The following SYNE1 variants were observed in gnomAD, a reference collection of about 807,000 sequenced individuals.
The protein encoded by SYNE1 is nesprin-1.
A neutral mutation model predicts 1,111.0 loss-of-function variants in SYNE1; 616 were observed. The observed-to-expected ratio is 0.55, with a 90% confidence interval of 0.52 to 0.59. The LOEUF (loss-of-function observed/expected upper bound fraction) is 0.59. Ranked by LOEUF, SYNE1 falls within the 20% of genes least tolerant of loss-of-function variation. The pLI is 0.00. For synonymous variants in SYNE1, 3,855 were observed against 3,825.8 expected, an observed-to-expected ratio of 1.01 and a Z score of -0.28; for missense variants, 10,006 against 10,417.0, an observed-to-expected ratio of 0.96 and a Z score of 1.72.
chr6:152,593,957 C>A (rs2099573907), intron 3 of SYNE1, among the ~76,000 whole-genome samples: 1 of 152,252 alleles, frequency 6.6e-6, no homozygotes, highest in Admixed American at 6.5e-5. Context: ...GTGAGCAGAA[C>A]CCACCCACCT....
intron 128 of SYNE1, among the ~76,000 whole-genome samples, chr6:152,187,212 G>A (rs2070420127): frequency 6.6e-6 from 1 of 152,106 alleles, no homozygotes; most frequent in Non-Finnish European, 1.5e-5. Flanking sequence ...ATAGGAAACT[G>A]CTCACACATC....
chr6:152,453,307 T>C, intron 25 of SYNE1: 1 of 595,206 alleles, frequency 1.7e-6, no homozygotes, highest in Non-Finnish European at 3.0e-6. Context: ...CTAGAATAAG[T>C]TAAATGTTCT....
chr6:152,316,986 C>T lies in SYNE1; in HGVS notation c.16573G>A (p.Ala5525Thr). The T allele has an allele frequency of 1.2e-6, 2 of 1,613,786 alleles. No individual in the cohort carries two copies. Reference protein sequence around the residue: ...AENRLSKLNQAASHLEEYNEM... With the variant: ...AENRLSKLNQTASHLEEYNEM... ...TTGTATTCTTCTAAATGTGATGCTG[C>T]CTGAAAAACCAGTAACATTAATGTA... The change falls in exon 87 of 146, where the codon GCA (alanine) becomes ACA (threonine). Residue 5525 changes from alanine to threonine, a missense_variant and splice_region_variant. This residue lies in a region of SYNE1 where 4,955 missense variants were observed against 5,017.2 expected (regional missense o/e 0.99). Transcript: ENST00000367255.
At chr6:152,470,809 A>C (rs1010511558) in intron 16 of SYNE1, among the ~76,000 whole-genome samples, 1 of 152,200 alleles carries the variant, frequency 6.6e-6, no homozygotes, top group African/African-American at 2.4e-5. Flanking sequence ...ACAGTACAAG[A>C]CTAAGATACT....
chr6:152,269,642 T>C (rs2093036638), intron 98 of SYNE1, among the ~76,000 whole-genome samples: 1 of 152,122 alleles, frequency 6.6e-6, no homozygotes, highest in African/African-American at 2.4e-5. Flanking sequence ...CACACAAAGG[T>C]AAACTGTTTC....
chr6:152,312,292 C>T (rs1370212692), intron 87 of SYNE1, among the ~76,000 whole-genome samples: 1 of 149,714 alleles, frequency 6.7e-6, no homozygotes, highest in East Asian at 2.0e-4. Context: ...TCACTGCAAC[C>T]TGCATCTCCT....
chr6:152,397,487 T>C (rs548978), intron 49 of SYNE1, among the ~76,000 whole-genome samples: 31,441 of 151,850 alleles, frequency 0.21, 3,512 homozygotes, highest in East Asian at 0.4. Context: ...AGCTCTAGAG[T>C]GGTATGTCAC....
At chr6:152,400,932 T>C (rs1292325970) in intron 47 of SYNE1, among the ~76,000 whole-genome samples, 1 of 152,206 alleles carries the variant, frequency 6.6e-6, no homozygotes, top group Non-Finnish European at 1.5e-5. Context: ...CTTTCTATTT[T>C]CAAGGTATTC....
At position 152,391,571 on chromosome 6, in the gene SYNE1, GA is replaced by G; in HGVS notation, c.7713-4del. The G allele has an allele frequency of 4.3e-6, 4 of 934,886 alleles. No homozygotes were observed. The highest frequency in any genetic ancestry group is 3.0e-5 in the Admixed American group (1 of 33,056). The allele number at this position is 934,886 out of a possible 1,614,324, so 57.9% of individuals were successfully genotyped here. A position where few individuals can be genotyped will look rare whatever the true frequency, so the allele number is the denominator to read the frequency against. ...GGGAAAGCTTATCAAGAGACTCTCTGAAAAAAAGGAAAAAAAAAAAAAAGAA... is the reference window on the plus strand; with the variant it reads ...GGGAAAGCTTATCAAGAGACTCTCTGAAAAAAGGAAAAAAAAAAAAAAGAA... On this transcript the variant is annotated splice_polypyrimidine_tract_variant and splice_region_variant and intron_variant, in intron 51 of 145. Transcript: ENST00000367255.
At chr6:152,204,836 G>C (rs1293462141) in intron 126 of SYNE1, among the ~76,000 whole-genome samples, 2 of 152,106 alleles carry the variant, frequency 1.3e-5, no homozygotes, top group Non-Finnish European at 2.9e-5. Flanking sequence ...CAAATGTAGT[G>C]ACTCAGACAT....
chr6:152,574,624 A>C (rs1450611241), intron 3 of SYNE1, among the ~76,000 whole-genome samples: 3 of 152,328 alleles, frequency 2.0e-5, no homozygotes, highest in Middle Eastern at 3.4e-3. Flanking sequence ...AGATGAGCAT[A>C]ATAGGTGCTA....
chr6:152,401,404 A>C, intron 46 of SYNE1, 63 bp from the exon 47 acceptor site: 1 of 1,522,832 alleles, frequency 6.6e-7, no homozygotes, highest in Non-Finnish European at 9.0e-7. Flanking sequence ...ATTCAGTAGA[A>C]ATTCTGTTCA....
intron 3 of SYNE1, among the ~76,000 whole-genome samples, chr6:152,603,819 T>C (rs1326814699): frequency 6.9e-6 from 1 of 144,198 alleles, no homozygotes; most frequent in East Asian, 2.0e-4. Context: ...AGAGTATATA[T>C]ATATATAGAT....
At chr6:152,374,644 C>T (rs1186197447) in intron 58 of SYNE1, among the ~76,000 whole-genome samples, 2 of 152,100 alleles carry the variant, frequency 1.3e-5, no homozygotes, top group Admixed American at 1.3e-4. Flanking sequence ...CGTGTTGACG[C>T]ATGTCTGTAA....
At chr6:152,375,705 G>A (rs1380433182) in intron 58 of SYNE1, among the ~76,000 whole-genome samples, 1 of 152,198 alleles carries the variant, frequency 6.6e-6, no homozygotes, top group Non-Finnish European at 1.5e-5. Flanking sequence ...TACACTGACA[G>A]TAACAAATTT....
rs779559976 is a variant in SYNE1 at position 152,353,224 on chromosome 6, C to A, written c.11253+39G>T. On this transcript the variant is annotated intron_variant, in intron 69 of 145. Coordinates refer to ENST00000367255, the MANE Select transcript of SYNE1 (RefSeq NM_182961.4). ...CAGGAGAATGGGGCAGCTTGGTGAA[C>A]GGAAAGGTTGGATACAAATCTGAAG... 5.0e-6 allele frequency: 8 copies of A among 1,613,142 alleles called. No individual in the cohort carries two copies. In the Admixed American group the frequency reaches 5.0e-5, roughly 10 times the overall value.
rs373006595 is a variant in SYNE1 at position 152,293,925 on chromosome 6, T to C, written c.17850+35A>G. ...GACAATCGCTAAGGTTACTGGTGTC[T>C]GGTGGGCATAAACTAGTCCACCTTG... On this transcript the variant is annotated intron_variant, in intron 94 of 145. Coordinates refer to ENST00000367255, the MANE Select transcript of SYNE1 (RefSeq NM_182961.4). 2.5e-6 allele frequency: 4 copies of C among 1,613,370 alleles called. No homozygotes were observed. The African/African-American group carries it at 5.3e-5, about 22-fold the overall frequency.
chr6:152,406,527 T>G (rs1021758766), intron 45 of SYNE1, among the ~76,000 whole-genome samples: 1 of 151,430 alleles, frequency 6.6e-6, no homozygotes, highest in Non-Finnish European at 1.5e-5. Context: ...TCAAATTAAA[T>G]AGCAAAAGAT....
chr6:152,608,839 A>T (rs981912634), intron 3 of SYNE1, among the ~76,000 whole-genome samples: 61 of 152,184 alleles, frequency 4.0e-4, no homozygotes, highest in South Asian at 1.0e-3. Flanking sequence ...AAGCTGAGGC[A>T]GGAGAATCAC....
Sources: gnomAD v4.1 joint callset for allele counts (sites outside exome capture counted in the v4.1 genomes callset) on GRCh38, gnomAD v4.1.1 for gene constraint, gnomAD v4.1.1 regional missense constraint, MANE v1.5 for transcripts, NCBI Gene and HGNC (gene_info 2026-07-23, HGNC 2026-07-21) for gene names.